Variants in TRAPPC9 observed in about 807,000 individuals in gnomAD.
TRAPPC9 encodes the protein IKK2 binding protein.
In TRAPPC9, 83 loss-of-function variants were observed where a neutral mutation model predicts 124.0. That is an observed-to-expected ratio of 0.67 (90% CI 0.56 to 0.80). The LOEUF is 0.80. TRAPPC9 is among the 30% of genes least tolerant of loss of function. The pLI is 0.00. For missense variants in TRAPPC9, 1,302 were observed against 1,508.3 expected (o/e 0.86, Z 2.27); for synonymous variants, 638 against 617.5 (o/e 1.03, Z -0.49).
intron 17 of TRAPPC9, among the ~76,000 whole-genome samples, chr8:140,178,992 C>G (rs2062137508): frequency 6.6e-6 from 1 of 151,992 alleles, no homozygotes; most frequent in Non-Finnish European, 1.5e-5. Flanking sequence ...GTTATGTCTT[C>G]TTATCTTGGT....
chr8:140,404,794 A>G (rs575417905), intron 6 of TRAPPC9, among the ~76,000 whole-genome samples: 39 of 147,410 alleles, frequency 2.6e-4, no homozygotes, highest in African/African-American at 7.9e-4. Flanking sequence ...GCTTGTATGT[A>G]TGTGTGTGTG....
chr8:140,094,412 A>T (rs1844788380), intron 17 of TRAPPC9, among the ~76,000 whole-genome samples: 2 of 152,190 alleles, frequency 1.3e-5, no homozygotes, highest in Admixed American at 1.3e-4. Flanking sequence ...ACGCACGGTC[A>T]TTCCATACCT....
chr8:139,728,300 A>G lies in TRAPPC9; in HGVS notation c.*2761T>C, dbSNP rs1461204614. Reference sequence around the variant, plus strand: ...CTGTCCTGGCCCTGAGGGACCAAGGATCAGAAGGGCAGAACCAACTCGCTC... The same window carrying G: ...CTGTCCTGGCCCTGAGGGACCAAGGGTCAGAAGGGCAGAACCAACTCGCTC... On this transcript the variant is annotated 3_prime_UTR_variant, in exon 23 of 23. Transcript: ENST00000438773. Among the ~76,000 whole-genome samples the G allele has an allele frequency of 1.3e-5, 2 of 152,124 alleles. No individual in the cohort carries two copies. The highest frequency in any genetic ancestry group is 4.1e-4 in the South Asian group (2 of 4,820).
rs113153507 is a variant in TRAPPC9, at chr8:140,200,303, C to A, written c.2556+21156G>T. On this transcript the variant is annotated intron_variant, in intron 17 of 22. Coordinates refer to ENST00000438773, the MANE Select transcript of TRAPPC9 (RefSeq NM_001160372.4). ...GCAAGGCCAACCGGGACAAGACCTTCGTAAAGAATTCCAAATAATGTCTGT... is the reference window on the plus strand; with the variant it reads ...GCAAGGCCAACCGGGACAAGACCTTAGTAAAGAATTCCAAATAATGTCTGT... Among the ~76,000 whole-genome samples the A allele has an allele frequency of 3.9e-5, 6 of 152,264 alleles. 1 individual carries two copies. Among genetic ancestry groups the A allele is most frequent in the African/African-American group, 1.4e-4 (6 of 41,552 alleles).
chr8:140,360,030 T>C lies in TRAPPC9; in HGVS notation c.1495+20A>G. On this transcript the variant is annotated intron_variant, in intron 9 of 22. Coordinates refer to ENST00000438773, the MANE Select transcript of TRAPPC9 (RefSeq NM_001160372.4). ...TTCACAGTTCCTTGAAAAAAAACAT[T>C]GTGGTTTGAGCTCACTCACCCTGAT... 6.2e-7 allele frequency: 1 copy of C among 1,613,566 alleles called. No homozygotes were observed. The highest frequency in any genetic ancestry group is 8.5e-7 in the Non-Finnish European group (1 of 1,179,784).
At position 140,360,190 on chromosome 8, in the gene TRAPPC9, G is replaced by A. The variant is rs140637825; in HGVS notation, c.1355C>T (p.Thr452Met). 3.2e-5 allele frequency: 52 copies of A among 1,614,056 alleles called. No homozygotes were observed. The highest frequency in any genetic ancestry group is 6.7e-5 in the African/African-American group (5 of 74,932). ...SLDPKDFSRG[T>M]HRGWAAVQMR... is the part of the protein sequence containing the mutation. ...CTGGACCGCAGCCCAGCCTCTGTGC[G>A]TGCCTGCGATGGAAGTTACAAAACA... The change falls in exon 9 of 23, where the codon ACG (threonine) becomes ATG (methionine). Residue 452 changes from threonine (T) to methionine (M), a missense_variant. By Grantham distance (81) the Thr-to-Met change is moderately conservative. Transcript: ENST00000438773.
intron 17 of TRAPPC9, among the ~76,000 whole-genome samples, chr8:140,045,634 A>AT (rs1435114151): frequency 1.1e-5 from 1 of 92,162 alleles, no homozygotes; most frequent in Non-Finnish European, 2.2e-5. Flanking sequence ...CTCGGCAGAA[A>AT]AAAAAAAAAA....
intron 17 of TRAPPC9, among the ~76,000 whole-genome samples, chr8:140,163,394 A>C (rs1369392619): frequency 6.6e-6 from 1 of 152,242 alleles, no homozygotes; most frequent in Non-Finnish European, 1.5e-5. Context: ...AGAAAACAAC[A>C]GTAGCTGCCG....
intron 17 of TRAPPC9, among the ~76,000 whole-genome samples, chr8:140,133,874 C>T (rs969842217): frequency 4.6e-5 from 7 of 150,718 alleles, no homozygotes; most frequent in African/African-American, 1.7e-4. Flanking sequence ...CTACAAATTA[C>T]AAAACATTGC....
chr8:140,321,916 C>T (rs2066606191), intron 9 of TRAPPC9, among the ~76,000 whole-genome samples: 2 of 152,178 alleles, frequency 1.3e-5, no homozygotes, highest in Admixed American at 1.3e-4. Context: ...ATGCTTTCTC[C>T]AAGCACAAAG....
At chr8:140,208,180 T>C (rs1457506389) in intron 17 of TRAPPC9, among the ~76,000 whole-genome samples, 1 of 151,792 alleles carries the variant, frequency 6.6e-6, no homozygotes, top group Non-Finnish European at 1.5e-5. Flanking sequence ...ATCTCAAATG[T>C]TTATTAAAAT....
Position 140,091,851 on chromosome 8 carries a change from C to A in TRAPPC9, c.2557-67772G>T, listed in dbSNP as rs993113827. On this transcript the variant is annotated intron_variant, in intron 17 of 22. Transcript: ENST00000438773. Reference sequence around the variant, plus strand: ...AGTCTCCTCTCAACTGTCGGTGACTCCCTACTGCCTGGGGACAGAGGCCAA... The same window carrying A: ...AGTCTCCTCTCAACTGTCGGTGACTACCTACTGCCTGGGGACAGAGGCCAA... Among the ~76,000 whole-genome samples the A allele has an allele frequency of 2.6e-5, 4 of 152,274 alleles. No individual in the cohort carries two copies. The South Asian group carries it at 8.3e-4, about 32-fold the overall frequency.
At chr8:140,274,533 T>C (rs1297682812) in intron 15 of TRAPPC9, among the ~76,000 whole-genome samples, 1 of 152,230 alleles carries the variant, frequency 6.6e-6, no homozygotes, top group Non-Finnish European at 1.5e-5. Flanking sequence ...CACAGATTTC[T>C]ATCAAAATCA....
At chr8:140,325,735 G>A in intron 9 of TRAPPC9, among the ~76,000 whole-genome samples, 1 of 152,100 alleles carries the variant, frequency 6.6e-6, no homozygotes, top group Non-Finnish European at 1.5e-5. Context: ...ACAAAGGAGC[G>A]AATACTTCCC....
At chr8:140,073,587 A>T (rs529759280) in intron 17 of TRAPPC9, among the ~76,000 whole-genome samples, 1 of 152,222 alleles carries the variant, frequency 6.6e-6, no homozygotes, top group Non-Finnish European at 1.5e-5. Flanking sequence ...GGGGAGATAG[A>T]AATGTTCTAC....
At chr8:139,760,581 C>A (rs1820151971) in intron 21 of TRAPPC9, among the ~76,000 whole-genome samples, 1 of 152,218 alleles carries the variant, frequency 6.6e-6, no homozygotes, top group African/African-American at 2.4e-5. Flanking sequence ...TGTGAGAATC[C>A]TACGAAGTCG....
At chr8:140,065,938 T>C (rs1374324917) in intron 17 of TRAPPC9, among the ~76,000 whole-genome samples, 1 of 152,176 alleles carries the variant, frequency 6.6e-6, no homozygotes, top group Non-Finnish European at 1.5e-5. Context: ...AAAAAATGCA[T>C]TCCATAAGGC....
chr8:139,918,362 C>T (rs944214395), intron 19 of TRAPPC9, among the ~76,000 whole-genome samples: 6 of 152,196 alleles, frequency 3.9e-5, no homozygotes, highest in African/African-American at 1.2e-4. Context: ...AGGGAACCTG[C>T]GAAGAGCCCC....
chr8:139,793,144 T>C (rs1378232434), intron 21 of TRAPPC9, among the ~76,000 whole-genome samples: 3 of 152,236 alleles, frequency 2.0e-5, no homozygotes, highest in South Asian at 2.1e-4. Context: ...CTGGGCAAGG[T>C]GCTTCATCTC....
Sources: allele counts gnomAD v4.1 joint callset (sites outside exome capture counted in the v4.1 genomes callset), GRCh38; gene constraint gnomAD v4.1.1; transcripts MANE v1.5; gene names NCBI Gene and HGNC (gene_info 2026-07-23, HGNC 2026-07-21).